LRRTM4: variants seen among roughly 807,000 people sequenced by gnomAD.
LRRTM4 encodes the protein leucine rich repeat transmembrane neuronal 4, also known as leucine-rich repeat transmembrane neuronal protein 4.
In LRRTM4, 25 loss-of-function variants were observed where a neutral mutation model predicts 47.6. The ratio of observed to expected loss-of-function variants is 0.53; its 90% CI spans 0.38 to 0.73. The LOEUF (loss-of-function observed/expected upper bound fraction) is 0.73, where lower values mean the gene tolerates loss of function less well. LRRTM4 is among the 30% of genes least tolerant of loss of function. LRRTM4 has a pLI of 0.00. For synonymous variants in LRRTM4, 311 were observed against 269.5 expected (o/e 1.15, Z -1.51); for missense variants, 638 against 713.4 (o/e 0.89, Z 1.20).
At chr2:77,297,744 G>C (rs959730103) in intron 3 of LRRTM4, among the ~76,000 whole-genome samples, 6 of 152,102 alleles carry the variant, frequency 3.9e-5, no homozygotes, top group African/African-American at 1.4e-4. Context: ...AGAGAGTAGA[G>C]CTTTAAAGTC....
intron 3 of LRRTM4, among the ~76,000 whole-genome samples, chr2:76,804,703 T>C (rs1056130753): frequency 4.1e-5 from 6 of 148,106 alleles, no homozygotes; most frequent in Non-Finnish European, 8.9e-5. Flanking sequence ...TTGATATACA[T>C]TGATGTATAT....
Position 77,128,032 on chromosome 2 carries a change from A to G in LRRTM4, c.1552-379116T>C, listed in dbSNP as rs538323216. 2.6e-5 allele frequency among the ~76,000 whole-genome samples: 4 copies of G among 151,988 alleles called. No homozygotes were observed. In the East Asian group the frequency reaches 5.8e-4, roughly 22 times the overall value. On this transcript the variant is annotated intron_variant, in intron 3 of 3. Transcript: ENST00000409884. ...GTGGCGCACGCCTGTAATCCCAGCT[A>G]CTCAGGAGGCTGAGGCAGGAGAATT...
intron 3 of LRRTM4, among the ~76,000 whole-genome samples, chr2:77,122,928 G>T (rs1249891112): frequency 6.6e-6 from 1 of 151,644 alleles, no homozygotes; most frequent in Non-Finnish European, 1.5e-5. Context: ...TATTTATTTA[G>T]GACACGTCAA....
At chr2:76,941,375 T>TA (rs1328548255) in intron 3 of LRRTM4, among the ~76,000 whole-genome samples, 1 of 152,142 alleles carries the variant, frequency 6.6e-6, no homozygotes, top group Non-Finnish European at 1.5e-5. Flanking sequence ...GCAGGTTTGT[T>TA]ACATAGGTAT....
At chr2:77,103,654 T>C (rs1388713834) in intron 3 of LRRTM4, among the ~76,000 whole-genome samples, 1 of 144,252 alleles carries the variant, frequency 6.9e-6, no homozygotes, top group Non-Finnish European at 1.5e-5. Context: ...AGTGTATATA[T>C]ATATATATAG....
rs797010446 is a variant in LRRTM4, at chr2:76,968,383, T to TATAC, written c.1552-219468_1552-219467insGTAT. ...ATATATATATATATATATATATATA[T>TATAC]ACACATACATACATACATATATATG... is the stretch of plus-strand genomic sequence containing the variant. On this transcript the variant is annotated intron_variant, in intron 3 of 3. Transcript: ENST00000409884. 7.4e-3 allele frequency among the ~76,000 whole-genome samples: 818 copies of TATAC among 110,964 alleles called. 7 individuals carry two copies. The highest frequency in any genetic ancestry group is 0.016 in the East Asian group (49 of 2,990). The allele number at this position is 110,964 out of a possible 152,430, so 72.8% of individuals were successfully genotyped here.
At chr2:77,430,935 A>G (rs899635842) in intron 3 of LRRTM4, among the ~76,000 whole-genome samples, 1 of 148,390 alleles carries the variant, frequency 6.7e-6, no homozygotes. Flanking sequence ...GGAAAGGCCA[A>G]TTTGCTCTGT....
chr2:76,896,500 T>C lies in LRRTM4; in HGVS notation c.1552-147584A>G, dbSNP rs10188016. On this transcript the variant is annotated intron_variant, in intron 3 of 3. Coordinates refer to ENST00000409884, the MANE Select transcript of LRRTM4 (RefSeq NM_001134745.3). The stretch of plus-strand genomic sequence containing the variant: ...AAGCTTAAACAATACATGTGGCTTA[T>C]GTCAGAAGCAACTTTTCATGATATT... Among the ~76,000 whole-genome samples, 714 of 152,144 alleles carry C rather than the reference T, an allele frequency of 4.7e-3. 1 individual carries two copies. The highest frequency in any genetic ancestry group is 0.017 in the African/African-American group (688 of 41,532).
At chr2:76,983,716 T>C (rs939870579) in intron 3 of LRRTM4, among the ~76,000 whole-genome samples, 1 of 152,072 alleles carries the variant, frequency 6.6e-6, no homozygotes, top group Non-Finnish European at 1.5e-5. Context: ...GATAGAGCAA[T>C]CATACACAGA....
At chr2:77,267,650 G>A (rs1195678159) in intron 3 of LRRTM4, among the ~76,000 whole-genome samples, 1 of 151,882 alleles carries the variant, frequency 6.6e-6, no homozygotes, top group African/African-American at 2.4e-5. Flanking sequence ...CACCATTAGA[G>A]CCCACTTTAC....
At chr2:76,824,748 T>C (rs1671146540) in intron 3 of LRRTM4, among the ~76,000 whole-genome samples, 1 of 151,602 alleles carries the variant, frequency 6.6e-6, no homozygotes, top group Admixed American at 6.6e-5. Flanking sequence ...CAGAGGCAGA[T>C]AAAGATGACT....
At chr2:76,846,306 G>A (rs1392835979) in intron 3 of LRRTM4, among the ~76,000 whole-genome samples, 8 of 152,096 alleles carry the variant, frequency 5.3e-5, no homozygotes, top group Non-Finnish European at 1.0e-4. Flanking sequence ...CGCCTTAGAA[G>A]GTGCCCCAGG....
intron 3 of LRRTM4, among the ~76,000 whole-genome samples, chr2:77,333,551 C>T (rs1014746273): frequency 6.6e-6 from 1 of 152,182 alleles, no homozygotes; most frequent in Non-Finnish European, 1.5e-5. Context: ...CAAGCCTTGG[C>T]AGCTTCCATG....
At chr2:77,103,334 C>A (rs1671006713) in intron 3 of LRRTM4, among the ~76,000 whole-genome samples, 1 of 152,152 alleles carries the variant, frequency 6.6e-6, no homozygotes, top group Non-Finnish European at 1.5e-5. Flanking sequence ...ATTGCACAGG[C>A]AACCTAAGAT....
At chr2:77,028,800 C>T (rs932447614) in intron 3 of LRRTM4, among the ~76,000 whole-genome samples, 1 of 151,764 alleles carries the variant, frequency 6.6e-6, no homozygotes, top group Non-Finnish European at 1.5e-5. Context: ...CTTTGGGAGG[C>T]TGAGGTGGGC....
intron 3 of LRRTM4, among the ~76,000 whole-genome samples, chr2:77,020,855 T>G (rs1398367228): frequency 6.6e-6 from 1 of 152,204 alleles, no homozygotes; most frequent in African/African-American, 2.4e-5. Context: ...AAGGATCATT[T>G]TCTGTCCATG....
intron 3 of LRRTM4, among the ~76,000 whole-genome samples, chr2:77,051,681 TC>T (rs1679437837): frequency 6.6e-6 from 1 of 152,174 alleles, no homozygotes; most frequent in Non-Finnish European, 1.5e-5. Context: ...CTTTTAAAAG[TC>T]CCTAGACATC....
intron 3 of LRRTM4, among the ~76,000 whole-genome samples, chr2:77,386,055 C>A (rs1383626086): frequency 6.6e-6 from 1 of 152,012 alleles, no homozygotes; most frequent in East Asian, 1.9e-4. Context: ...CCATGCCCAG[C>A]CACATGGTAC....
At chr2:77,439,623 A>T (rs1236343213) in intron 3 of LRRTM4, among the ~76,000 whole-genome samples, 1 of 152,172 alleles carries the variant, frequency 6.6e-6, no homozygotes, top group Non-Finnish European at 1.5e-5. Context: ...TTAATCTCTA[A>T]ATTTAATGCA....
Sources: gnomAD v4.1 joint callset for allele counts (sites outside exome capture counted in the v4.1 genomes callset) on GRCh38, gnomAD v4.1.1 for gene constraint, MANE v1.5 for transcripts, NCBI Gene and HGNC (gene_info 2026-07-23, HGNC 2026-07-21) for gene names.